The following RPTOR variants were observed in gnomAD, a reference collection of about 807,000 sequenced individuals.
RPTOR encodes the protein regulatory associated protein of MTOR complex 1.
In RPTOR, 21 loss-of-function variants were observed where a neutral mutation model predicts 169.9. The observed-to-expected ratio is 0.12, with a 90% CI of 0.09 to 0.18. The LOEUF (loss-of-function observed/expected upper bound fraction) is 0.18. Ranked by LOEUF, RPTOR falls within the 10% of genes least tolerant of loss-of-function variation. The pLI, the probability that RPTOR is intolerant of heterozygous loss-of-function variation, is 1.00. For synonymous variants in RPTOR, 732 were observed against 753.2 expected (o/e 0.97, Z 0.46); for missense variants, 1,133 against 1,855.9 (o/e 0.61, Z 7.16).
intron 26 of RPTOR, 70 bp downstream of exon 26, chr17:80,945,851 G>C: frequency 2.4e-6 from 2 of 847,944 alleles, no homozygotes; most frequent in Non-Finnish European, 3.5e-6. Flanking sequence ...GTTCTCCCCC[G>C]ATCACCACTC....
chr17:80,567,794 AAAATAAATAAAAT>A (rs2064860963), intron 1 of RPTOR, among the ~76,000 whole-genome samples: 1 of 134,654 alleles, frequency 7.4e-6, no homozygotes, highest in South Asian at 2.7e-4. Context: ...TCTGTATCAA[AAAATAAATAAAAT>A]AAATAAATAA....
Position 80,947,224 on chromosome 17 carries a change from A to T in RPTOR, c.3141-3A>T. 3 of 1,585,576 alleles carry T rather than the reference A, an allele frequency of 1.9e-6. No individual in the cohort carries two copies. The highest frequency in any genetic ancestry group is 2.3e-5 in the South Asian group (2 of 86,286). On this transcript the variant is annotated splice_polypyrimidine_tract_variant and splice_region_variant and intron_variant, in intron 26 of 33. Transcript: ENST00000306801. The surrounding 1 kb of genome is among the most constrained non-coding windows in gnomAD (Gnocchi z 4.4). ...TTTTTTATTCCTCTCTTCTTCCCTT[A>T]AGCTTTTGGGACTGGGAGAAAGGGG...
intron 3 of RPTOR, among the ~76,000 whole-genome samples, chr17:80,685,650 T>TTATTTTTA (rs1555607064): frequency 5.4e-5 from 5 of 93,234 alleles, no homozygotes; most frequent in African/African-American, 1.2e-4. Flanking sequence ...TTTTTTTTTT[T>TTATTTTTA]TTTTTTTGCT....
At chr17:80,600,469 C>G (rs188935578) in intron 1 of RPTOR, among the ~76,000 whole-genome samples, 1 of 152,266 alleles carries the variant, frequency 6.6e-6, no homozygotes, top group African/African-American at 2.4e-5. Flanking sequence ...GAGCTGAGAT[C>G]CCAGAAAACA....
At chr17:80,830,567 G>A (rs925607661) in intron 9 of RPTOR, among the ~76,000 whole-genome samples, 8 of 152,270 alleles carry the variant, frequency 5.3e-5, no homozygotes, top group South Asian at 2.1e-4. Flanking sequence ...GTGCCCCCGC[G>A]CTGGGCCATC....
chr17:80,797,873 C>G (rs1028552361), intron 7 of RPTOR, among the ~76,000 whole-genome samples: 1 of 152,226 alleles, frequency 6.6e-6, no homozygotes, highest in Non-Finnish European at 1.5e-5. Context: ...CATATGTTAA[C>G]TCCCGTAACG....
chr17:80,932,340 T>C (rs1274764040), intron 24 of RPTOR, among the ~76,000 whole-genome samples: 1 of 151,958 alleles, frequency 6.6e-6, no homozygotes, highest in African/African-American at 2.4e-5. Context: ...ACCTCATGTC[T>C]ACTAAAAAGA....
At chr17:80,922,475 A>G (rs995496445) in intron 21 of RPTOR, among the ~76,000 whole-genome samples, 1 of 152,212 alleles carries the variant, frequency 6.6e-6, no homozygotes, top group African/African-American at 2.4e-5. Flanking sequence ...CTCCCCAGAC[A>G]TCCCGGCTCA....
At chr17:80,638,297 G>A (rs143441070) in intron 2 of RPTOR, among the ~76,000 whole-genome samples, 8 of 152,182 alleles carry the variant, frequency 5.3e-5, no homozygotes, top group East Asian at 1.9e-4. Context: ...AGTAGCACCC[G>A]TTAGCCACGG....
chr17:80,743,883 ACTAGCACTG>A lies in RPTOR; in HGVS notation c.655-10126_655-10118del, dbSNP rs2066521784. Among the ~76,000 whole-genome samples, 2 of 106,642 alleles carry A rather than the reference ACTAGCACTG, an allele frequency of 1.9e-5. 1 individual carries two copies. 70.0% of individuals were successfully genotyped at this position (106,642 alleles called of 152,430 possible). On this transcript the variant is annotated intron_variant, in intron 5 of 33. Transcript: ENST00000306801. ...CCTGGCTACTAGCACAGCCCTGGCT[ACTAGCACTG>A]TCCTGGTTACGAGCACAGCCCTGGT...
intron 3 of RPTOR, among the ~76,000 whole-genome samples, chr17:80,670,672 C>T (rs762310275): frequency 2.0e-5 from 3 of 152,142 alleles, no homozygotes; most frequent in Non-Finnish European, 4.4e-5. Context: ...GGTGGTCATC[C>T]GCAGTCCACA....
At chr17:80,898,297 A>T (rs1016184123) in intron 20 of RPTOR, among the ~76,000 whole-genome samples, 4 of 152,068 alleles carry the variant, frequency 2.6e-5, no homozygotes, top group Non-Finnish European at 4.4e-5. Context: ...AGCTGCTTTT[A>T]CTGATATTCC....
At chr17:80,941,686 C>A (rs2069030473) in intron 25 of RPTOR, among the ~76,000 whole-genome samples, 1 of 152,258 alleles carries the variant, frequency 6.6e-6, no homozygotes, top group Non-Finnish European at 1.5e-5. Flanking sequence ...CTGTAAAATT[C>A]TGGAGATTAT....
chr17:80,640,517 C>T (rs1022853481), intron 2 of RPTOR, among the ~76,000 whole-genome samples: 7 of 152,188 alleles, frequency 4.6e-5, no homozygotes, highest in East Asian at 1.9e-4. Flanking sequence ...AGTGGATAGG[C>T]GGTTATAGTG....
chr17:80,869,774 G>A (rs73351995), intron 13 of RPTOR, among the ~76,000 whole-genome samples: 2,566 of 152,306 alleles, frequency 0.017, 60 homozygotes, highest in African/African-American at 0.057. Context: ...TGGGCAAAGC[G>A]TCATGCTATC....
At chr17:80,579,343 A>G (rs1458588424) in intron 1 of RPTOR, among the ~76,000 whole-genome samples, 1 of 152,018 alleles carries the variant, frequency 6.6e-6, no homozygotes, top group Non-Finnish European at 1.5e-5. Context: ...ACAGGCATGC[A>G]CCACCACTCT....
Position 80,962,354 on chromosome 17 carries a change from G to A in RPTOR, c.3693-107G>A, listed in dbSNP as rs2069354751. ...AGGCAGCTTTTTCCTTGAGCAGTGT[G>A]TGTGCAAACAGGTGTGCGACCCCAC... On this transcript the variant is annotated intron_variant, in intron 31 of 33. Coordinates refer to ENST00000306801, the MANE Select transcript of RPTOR (RefSeq NM_020761.3). The A allele has an allele frequency of 1.9e-5, 16 of 855,646 alleles. 1 individual carries two copies. In the South Asian group the frequency reaches 2.2e-4, roughly 12 times the overall value. The allele number at this position is 855,646 out of a possible 1,614,324, so 53.0% of individuals were successfully genotyped here.
At chr17:80,883,392 C>T (rs751148946) in intron 14 of RPTOR, 27 bp from the exon 15 acceptor site, 30 of 1,610,634 alleles carry the variant, frequency 1.9e-5, no homozygotes, top group African/African-American at 4.0e-5. Flanking sequence ...TGAGGGGAGA[C>T]GACCAGGACT....
At chr17:80,814,207 C>T (rs1467723345) in intron 7 of RPTOR, among the ~76,000 whole-genome samples, 1 of 152,026 alleles carries the variant, frequency 6.6e-6, no homozygotes, top group Non-Finnish European at 1.5e-5. Flanking sequence ...CTGTAGCCTC[C>T]TTCTTATTTA....
Sources: allele counts gnomAD v4.1 joint callset (sites outside exome capture counted in the v4.1 genomes callset), GRCh38; gene constraint gnomAD v4.1.1; non-coding constraint Gnocchi (gnomAD v3.1); transcripts MANE v1.5; gene names NCBI Gene and HGNC (gene_info 2026-07-23, HGNC 2026-07-21).